Variants in FREM3 observed in about 807,000 individuals in gnomAD.
FREM3 encodes FRAS1 related extracellular matrix 3, also known as FRAS1-related extracellular matrix protein 3.
In FREM3, 105 loss-of-function variants were observed where a neutral mutation model predicts 129.1. That is an observed-to-expected ratio of 0.81 (90% confidence interval 0.69 to 0.96). The LOEUF (loss-of-function observed/expected upper bound fraction) is 0.96, where lower values mean the gene tolerates loss of function less well. Among genes scored for constraint, FREM3 ranks in the 40% least tolerant of loss-of-function variants. FREM3 has a pLI of 0.00. For missense variants in FREM3, 2,593 were observed against 2,666.3 expected (o/e 0.97, Z 0.61); for synonymous variants, 1,014 against 1,044.9 (o/e 0.97, Z 0.57).
intron 2 of FREM3, among the ~76,000 whole-genome samples, chr4:143,690,049 G>A (rs1007805072): frequency 1.3e-5 from 2 of 149,566 alleles, no homozygotes; most frequent in African/African-American, 4.9e-5. Flanking sequence ...ATGCAGCCTT[G>A]TCAAAACCTT....
intron 2 of FREM3, among the ~76,000 whole-genome samples, chr4:143,658,687 C>T (rs1475620619): frequency 6.6e-6 from 1 of 152,206 alleles, no homozygotes; most frequent in Non-Finnish European, 1.5e-5. Flanking sequence ...AATTTGTAAA[C>T]TTTCTTAAAA....
At chr4:143,685,113 G>A (rs146238660) in intron 2 of FREM3, among the ~76,000 whole-genome samples, 103 of 152,178 alleles carry the variant, frequency 6.8e-4, no homozygotes, top group African/African-American at 2.4e-3. Context: ...CCCCAGCCTC[G>A]CTAGAGACAT....
intron 2 of FREM3, among the ~76,000 whole-genome samples, chr4:143,682,354 T>C (rs902689305): frequency 1.7e-4 from 26 of 152,180 alleles, no homozygotes; most frequent in African/African-American, 5.5e-4. Flanking sequence ...TGCGGTTGAG[T>C]CCTGGTTTGT....
Position 143,698,035 on chromosome 4 carries a change from T to C in FREM3, c.2641A>G (p.Lys881Glu), listed in dbSNP as rs1037324432. ...GPQHGHLQYF[K>E]RCMVPGESFM... The stretch of plus-strand genomic sequence containing the variant: ...GATTCCCCTGGGACCATACATCTTT[T>C]AAAGTACTGCAAGTGTCCATGTTGG... The change falls in exon 1 of 8, where the codon AAA (lysine) becomes GAA (glutamate). Residue 881 changes from lysine to glutamate, a missense_variant. Lys to Glu is a moderately conservative substitution (Grantham distance 56, BLOSUM62 1). Around this residue, in one of 2 missense-constraint regions of FREM3, gnomAD observed 2,276 missense variants for 2,267.2 expected, o/e 1.00. Coordinates refer to ENST00000329798, the MANE Select transcript of FREM3 (RefSeq NM_001168235.2). 14 of 1,537,240 alleles carry C rather than the reference T, an allele frequency of 9.1e-6. No homozygotes were observed. Among genetic ancestry groups the C allele is most frequent in the African/African-American group, 1.4e-5 (1 of 73,044 alleles).
intron 2 of FREM3, among the ~76,000 whole-genome samples, chr4:143,670,641 C>G (rs1739949197): frequency 6.6e-6 from 1 of 152,002 alleles, no homozygotes; most frequent in South Asian, 2.1e-4. Context: ...AAATGAAAGG[C>G]AAGAAATACA....
At position 143,696,960 on chromosome 4, in the gene FREM3, C is replaced by T. The variant is rs1740583200; in HGVS notation, c.3716G>A (p.Gly1239Glu). ...TGTAGCCAGCTGCTGTATGATTCGT[C>T]CATGCCGAGGGAGGGCTGTGAGTTG... ...HFQLTALPRHGRIIQQLATGS... is the reference protein window; with the variant it reads ...HFQLTALPRHERIIQQLATGS... The change falls in exon 1 of 8, where the codon GGA becomes GAA. Residue 1239 changes from glycine to glutamate, a missense_variant. This residue lies in a region of FREM3 where 2,276 missense variants were observed against 2,267.2 expected (regional missense o/e 1.00). Coordinates refer to ENST00000329798, the MANE Select transcript of FREM3 (RefSeq NM_001168235.2). 4 of 1,537,582 alleles carry T rather than the reference C, an allele frequency of 2.6e-6. No homozygotes were observed. The highest frequency in any genetic ancestry group is 1.4e-5 in the African/African-American group (1 of 73,002).
rs748392323 is a variant in FREM3, at chr4:143,699,671, G to A, written c.1005C>T (p.Val335=). The change falls in exon 1 of 8, where the codon GTC becomes GTT. Residue 335 remains valine (V), a synonymous_variant. Transcript: ENST00000329798. The surrounding 1 kb of genome is among the most constrained non-coding windows in gnomAD (Gnocchi z 4.2). ...LTPDALAAED[V]ESDPGDLVFN... is the part of the protein sequence containing the mutation. ...ACACCAGGTCACCAGGGTCTGACTC[G>A]ACGTCCTCCGCGGCCAGTGCGTCAG... is the stretch of plus-strand genomic sequence containing the variant. 34 of 1,528,488 alleles carry A rather than the reference G, an allele frequency of 2.2e-5. No homozygotes were observed. Among genetic ancestry groups the A allele is most frequent in the Non-Finnish European group, 3.0e-5 (34 of 1,141,928 alleles). The allele number at this position is 1,528,488 out of a possible 1,614,324, so 94.7% of individuals were successfully genotyped here. A position where few individuals can be genotyped will look rare whatever the true frequency, so the allele number is the denominator to read the frequency against.
At chr4:143,628,615 A>G (rs1178798758) in intron 2 of FREM3, among the ~76,000 whole-genome samples, 1 of 152,154 alleles carries the variant, frequency 6.6e-6, no homozygotes, top group African/African-American at 2.4e-5. Context: ...CAGTTACTGG[A>G]CCCCTTAATG....
In FREM3 at chr4:143,697,418, GTTC is replaced by G. The variant is rs1740595150; in HGVS notation, c.3255_3257del (p.Lys1085del). On this transcript the variant is annotated inframe_deletion, in exon 1 of 8. Transcript: ENST00000329798. ...CATGGAGATGTTGTAAGGTCAAGGA[GTTC>G]TTCTCACCTTCATAGACAATGAAGG... 2.6e-6 allele frequency: 4 copies of G among 1,537,100 alleles called. No individual in the cohort carries two copies. Among genetic ancestry groups the G allele is most frequent in the Non-Finnish European group, 2.6e-6 (3 of 1,146,918 alleles).
chr4:143,636,419 A>G (rs1003833464), intron 2 of FREM3, among the ~76,000 whole-genome samples: 3 of 151,538 alleles, frequency 2.0e-5, no homozygotes, highest in Non-Finnish European at 4.4e-5. Context: ...AGGACCAGCC[A>G]GTACAAGAAA....
intron 2 of FREM3, among the ~76,000 whole-genome samples, chr4:143,660,423 G>C (rs1739689475): frequency 6.6e-6 from 1 of 152,064 alleles, no homozygotes; most frequent in Non-Finnish European, 1.5e-5. Flanking sequence ...TGAGGGCTCT[G>C]TTCTGTTCCA....
chr4:143,595,977 A>G (rs1191234499), intron 6 of FREM3, among the ~76,000 whole-genome samples: 2 of 151,960 alleles, frequency 1.3e-5, no homozygotes, highest in African/African-American at 2.4e-5. Context: ...AATGAGTGAG[A>G]ATTGACCAAT....
Position 143,577,685 on chromosome 4 carries a change from G to C in FREM3, c.6346C>G (p.Pro2116Ala). ...QMPMGAVLGE[P>A]NKTTIFIEDT... ...TCGATGAAAATGGTAGTTTTATTTG[G>C]TTCTCCAAGCACTGCACCCATAGGC... Residue 2116 changes from proline (P) to alanine (A), a missense_variant, in exon 8 of 8, where the codon CCA becomes GCA. By Grantham distance (27) the Pro-to-Ala change is conservative. Around this residue, in one of 2 missense-constraint regions of FREM3, gnomAD observed 317 missense variants for 399.0 expected, o/e 0.79. Coordinates refer to ENST00000329798, the MANE Select transcript of FREM3 (RefSeq NM_001168235.2). 6.5e-7 allele frequency: 1 copy of C among 1,537,176 alleles called. No homozygotes were observed. Among genetic ancestry groups the C allele is most frequent in the Non-Finnish European group, 8.7e-7 (1 of 1,146,850 alleles).
rs545631338 is a variant in FREM3, at chr4:143,645,358, G to C, written c.5276-17598C>G. The stretch of plus-strand genomic sequence containing the variant: ...CAACTTTTTGATGGAATAGTCACTG[G>C]GATAGTTAATTTCATGTGTCAATGC... On this transcript the variant is annotated intron_variant, in intron 2 of 7. Transcript: ENST00000329798. Among the ~76,000 whole-genome samples, 35 of 152,220 alleles carry C rather than the reference G, an allele frequency of 2.3e-4. 1 individual carries two copies. In the South Asian group the frequency reaches 7.0e-3, roughly 31 times the overall value.
At chr4:143,677,013 G>T (rs1230455097) in intron 2 of FREM3, among the ~76,000 whole-genome samples, 1 of 152,116 alleles carries the variant, frequency 6.6e-6, no homozygotes, top group East Asian at 1.9e-4. Context: ...AGCTACCAAT[G>T]ACTTTCTTCA....
chr4:143,613,436 G>A (rs2149839658), intron 5 of FREM3, among the ~76,000 whole-genome samples: 1 of 152,278 alleles, frequency 6.6e-6, no homozygotes, highest in Non-Finnish European at 1.5e-5. Context: ...AGGATAGGCT[G>A]GCTCTTGGGA....
chr4:143,627,489 C>CT (rs1560849912), intron 3 of FREM3, 125 bp downstream of exon 3: 3 of 867,342 alleles, frequency 3.5e-6, no homozygotes, highest in South Asian at 1.7e-5. Flanking sequence ...TTCACAGACA[C>CT]TTTTTTAGAG....
intron 2 of FREM3, among the ~76,000 whole-genome samples, chr4:143,653,978 G>T (rs1009385995): frequency 1.3e-5 from 2 of 152,288 alleles, no homozygotes; most frequent in Admixed American, 1.3e-4. Context: ...TCAGTAGGAG[G>T]TTCATAAAGT....
intron 4 of FREM3, among the ~76,000 whole-genome samples, chr4:143,622,114 A>G (rs1413261272): frequency 8.2e-5 from 12 of 145,884 alleles, no homozygotes; most frequent in Non-Finnish European, 1.5e-4. Context: ...TTTTTGAGGC[A>G]GGGTCTTGCT....
Sources: gnomAD v4.1 joint callset for allele counts (sites outside exome capture counted in the v4.1 genomes callset) on GRCh38, gnomAD v4.1.1 for gene constraint, gnomAD v4.1.1 regional missense constraint, Gnocchi (gnomAD v3.1) non-coding constraint, MANE v1.5 for transcripts, NCBI Gene and HGNC (gene_info 2026-07-23, HGNC 2026-07-21) for gene names.